EVC2: variants seen among roughly 807,000 people sequenced by gnomAD.
The protein encoded by EVC2 is EvC ciliary complex subunit 2.
In EVC2, 148 loss-of-function variants were observed where a neutral mutation model predicts 149.3. That is an observed-to-expected ratio of 0.99 (90% CI 0.87 to 1.14). The LOEUF (loss-of-function observed/expected upper bound fraction) is 1.14, where lower values mean the gene tolerates loss of function less well. Among genes scored for constraint, EVC2 ranks in the 50% most tolerant of loss-of-function variants. The pLI, the probability that EVC2 is intolerant of heterozygous loss-of-function variation, is 0.00. For missense variants in EVC2, 1,854 were observed against 1,627.3 expected (o/e 1.14, Z -2.40); for synonymous variants, 776 against 649.9 (o/e 1.19, Z -2.95).
At position 5,618,722 on chromosome 4, in the gene EVC2, A is replaced by G. The variant is rs773319995; in HGVS notation, c.2502-40T>C. On this transcript the variant is annotated intron_variant, in intron 14 of 21. Transcript: ENST00000344408. This position sits in a 1 kb window ranked among gnomAD's most constrained non-coding sequence, Gnocchi z 4.4. Reference sequence around the variant, plus strand: ...AGAGACACACTCTTAACACAGAGAAAGCCTGGGGGCTGGGCTGGGGTGAAG... The same window carrying G: ...AGAGACACACTCTTAACACAGAGAAGGCCTGGGGGCTGGGCTGGGGTGAAG... The G allele has an allele frequency of 1.1e-5, 17 of 1,550,890 alleles. No homozygotes were observed. In the Admixed American group the frequency reaches 3.3e-4, roughly 30 times the overall value.
Position 5,647,626 on chromosome 4 carries a change from G to A in EVC2, c.1146-6788C>T, listed in dbSNP as rs534002023. Among the ~76,000 whole-genome samples the A allele has an allele frequency of 5.9e-5, 9 of 152,336 alleles. No individual in the cohort carries two copies. In the South Asian group the frequency reaches 1.9e-3, roughly 32 times the overall value. ...GAACTAAACAATCAATGTTGTACAA[G>A]CTCAGAAAACAAAATCCCTTCTCTA... On this transcript the variant is annotated intron_variant, in intron 9 of 21. Transcript: ENST00000344408.
At chr4:5,602,844 T>C (rs944807018) in intron 16 of EVC2, among the ~76,000 whole-genome samples, 7 of 152,098 alleles carry the variant, frequency 4.6e-5, no homozygotes, top group African/African-American at 1.7e-4. Context: ...AATCCCAAAT[T>C]ACAGAAATCA....
chr4:5,572,030 C>A (rs890739582), intron 19 of EVC2, among the ~76,000 whole-genome samples: 1 of 152,220 alleles, frequency 6.6e-6, no homozygotes, highest in Non-Finnish European at 1.5e-5. Flanking sequence ...TCGGCCTCCA[C>A]AATCACGGCA....
the EVC2 span, among the ~76,000 whole-genome samples, chr4:5,534,181 T>C: frequency 6.6e-6 from 1 of 152,218 alleles, no homozygotes; most frequent in African/African-American, 2.4e-5. Context: ...CACCTCAATT[T>C]TTCATATGAA....
At chr4:5,698,274 G>C (rs1050207296) in intron 1 of EVC2, among the ~76,000 whole-genome samples, 1 of 152,098 alleles carries the variant, frequency 6.6e-6, no homozygotes, top group South Asian at 2.1e-4. Flanking sequence ...CATCAACTCT[G>C]TGGACCCTGG....
rs567458437 is a variant in EVC2, at chr4:5,689,267, T to C, written c.596A>G (p.Asn199Ser). 2 of 1,613,664 alleles carry C rather than the reference T, an allele frequency of 1.2e-6. No individual in the cohort carries two copies. Among genetic ancestry groups the C allele is most frequent in the Non-Finnish European group, 1.7e-6 (2 of 1,179,924 alleles). Residue 199 changes from asparagine to serine, a missense_variant, in exon 5 of 22, where the codon AAC (asparagine) becomes AGC (serine). Coordinates refer to ENST00000344408, the MANE Select transcript of EVC2 (RefSeq NM_147127.5). The stretch of plus-strand genomic sequence containing the variant: ...GTCCAGCAAGAGCAGCTCCGAGAGG[T>C]TGGCTGACGAGGTTGTCTTGGTGTT... ...VNNTKTTSSANLSELLLLDSI... is the reference protein window; with the variant it reads ...VNNTKTTSSASLSELLLLDSI...
chr4:5,610,712 C>T (rs934232610), intron 16 of EVC2, among the ~76,000 whole-genome samples: 35 of 152,216 alleles, frequency 2.3e-4, no homozygotes, highest in Non-Finnish European at 4.4e-4. Context: ...CTGCCGGGCT[C>T]ACCTGCCTGG....
At position 5,640,700 on chromosome 4, in the gene EVC2, C is replaced by G; in HGVS notation, c.1284G>C (p.Met428Ile). 1.2e-6 allele frequency: 2 copies of G among 1,614,108 alleles called. No individual in the cohort carries two copies. Among genetic ancestry groups the G allele is most frequent in the Admixed American group, 1.7e-5 (1 of 60,008 alleles). Residue 428 changes from methionine to isoleucine, a missense_variant, in exon 10 of 22, where the codon ATG (methionine) becomes ATC (isoleucine). Physicochemically the swap from Met to Ile is conservative, Grantham distance 10. Coordinates refer to ENST00000344408, the MANE Select transcript of EVC2 (RefSeq NM_147127.5). The surrounding 1 kb of genome is among the most constrained non-coding windows in gnomAD (Gnocchi z 4.6). ...GHLSPQVERK[M>I]SAVFKKQFLL... The stretch of plus-strand genomic sequence containing the variant: ...GAAACTGCTTTTTGAAAACAGCACT[C>G]ATTTTTCTCTCTACTTGGGGTGAGA...
At chr4:5,702,780 C>T (rs957972137) in intron 1 of EVC2, among the ~76,000 whole-genome samples, 54 of 152,322 alleles carry the variant, frequency 3.5e-4, no homozygotes, top group African/African-American at 1.2e-3. Flanking sequence ...AGAGCCTAGA[C>T]ACCGACAGCA....
At chr4:5,533,990 G>T in the EVC2 span, among the ~76,000 whole-genome samples, 1 of 152,220 alleles carries the variant, frequency 6.6e-6, no homozygotes, top group African/African-American at 2.4e-5. Flanking sequence ...CACAGAGGGA[G>T]CCAAGAGGCA....
intron 16 of EVC2, among the ~76,000 whole-genome samples, chr4:5,608,292 G>T (rs1380501011): frequency 2.0e-5 from 3 of 152,186 alleles, no homozygotes; most frequent in Non-Finnish European, 2.9e-5. Context: ...TCCCTCTGGG[G>T]ACACCACATG....
At chr4:5,595,156 C>G (rs1444420568) in intron 16 of EVC2, among the ~76,000 whole-genome samples, 1 of 152,124 alleles carries the variant, frequency 6.6e-6, no homozygotes, top group Non-Finnish European at 1.5e-5. Context: ...AGGATATTAT[C>G]CAGGAGAACT....
At chr4:5,664,018 G>C (rs1460700266) in intron 8 of EVC2, among the ~76,000 whole-genome samples, 1 of 152,198 alleles carries the variant, frequency 6.6e-6, no homozygotes, top group Non-Finnish European at 1.5e-5. Flanking sequence ...AGAGATATCT[G>C]TGTTGTCTCC....
rs372528129 is a variant in EVC2, at chr4:5,685,506, C to T, written c.707-27G>A. 1,289 of 1,606,498 alleles carry T rather than the reference C, an allele frequency of 8.0e-4. 2 individuals carry two copies. Among genetic ancestry groups the T allele is most frequent in the African/African-American group, 1.4e-3 (106 of 74,910 alleles). ...TGCGCAGAGAAAAGCACATGTGACT[C>T]AGGGAGGGCTTGGCCACGCCCCCGG... On this transcript the variant is annotated intron_variant, in intron 5 of 21. Transcript: ENST00000344408.
At chr4:5,543,202 G>C (rs1473629519) in exon 22 of EVC2, 1 of 1,289,690 alleles carries the variant, frequency 7.8e-7, no homozygotes. Flanking sequence ...AAGCTCTCTT[G>C]GTTCCCTGAC....
chr4:5,673,434 T>C (rs1391939261), intron 7 of EVC2, among the ~76,000 whole-genome samples: 1 of 152,210 alleles, frequency 6.6e-6, no homozygotes, highest in African/African-American at 2.4e-5. Context: ...TAAATCATAC[T>C]TCTGAGATTC....
intron 6 of EVC2, 57 bp from the exon 7 acceptor site, chr4:5,681,370 A>C (rs1011556062): frequency 1.9e-6 from 3 of 1,582,076 alleles, no homozygotes; most frequent in Middle Eastern, 1.7e-4. Flanking sequence ...GACACGTGGG[A>C]TAACATTTGG....
At chr4:5,659,405 GAAAA>G (rs60976903) in intron 9 of EVC2, among the ~76,000 whole-genome samples, 1 of 107,340 alleles carries the variant, frequency 9.3e-6, no homozygotes, top group Admixed American at 9.9e-5. Context: ...TGCTATAATT[GAAAA>G]AAAAAAAAAA....
chr4:5,708,263 G>A (rs1006894805), intron 1 of EVC2, 23 bp downstream of exon 1: 138 of 1,471,056 alleles, frequency 9.4e-5, no homozygotes, highest in Non-Finnish European at 1.2e-4. Flanking sequence ...TCAGACCGGA[G>A]CCTGGGGTCG....
Sources: gnomAD v4.1 joint callset for allele counts (sites outside exome capture counted in the v4.1 genomes callset) on GRCh38, gnomAD v4.1.1 for gene constraint, Gnocchi (gnomAD v3.1) non-coding constraint, MANE v1.5 for transcripts, NCBI Gene and HGNC (gene_info 2026-07-23, HGNC 2026-07-21) for gene names.